ERC2: variants seen among roughly 807,000 people sequenced by gnomAD.
The protein encoded by ERC2 is ERC protein 2.
Under a neutral mutation model 114.8 loss-of-function variants are expected in ERC2, and 42 were observed. The observed-to-expected ratio is 0.37, with a 90% CI of 0.29 to 0.47. The LOEUF is 0.47. Among genes scored for constraint, ERC2 ranks in the 20% least tolerant of loss-of-function variants. The pLI is 0.99. For synonymous variants in ERC2, 454 were observed against 425.5 expected (o/e 1.07, Z -0.82); for missense variants, 939 against 1,150.7 (o/e 0.82, Z 2.66).
chr3:55,888,633 A>T, intron 13 of ERC2, 84 bp from the exon 14 acceptor site: 7 of 1,518,092 alleles, frequency 4.6e-6, no homozygotes, highest in Non-Finnish European at 6.3e-6. Flanking sequence ...TCCAACAACA[A>T]ACACAAAGGA....
intron 12 of ERC2, among the ~76,000 whole-genome samples, chr3:55,968,895 C>A (rs1278071325): frequency 6.6e-6 from 1 of 151,776 alleles, no homozygotes; most frequent in Non-Finnish European, 1.5e-5. Flanking sequence ...GGCTTTTTTT[C>A]TTTTTCTAAC....
intron 1 of ERC2, among the ~76,000 whole-genome samples, chr3:56,450,635 T>C (rs546598284): frequency 5.3e-5 from 8 of 152,218 alleles, no homozygotes; most frequent in Non-Finnish European, 1.2e-4. Context: ...GAGACCAGCC[T>C]GGGCAACATG....
chr3:55,885,576 A>C (rs1477346112), intron 14 of ERC2, among the ~76,000 whole-genome samples: 1 of 152,212 alleles, frequency 6.6e-6, no homozygotes, highest in Non-Finnish European at 1.5e-5. Context: ...TTCAGCAATA[A>C]TGTGGCAATT....
At chr3:56,162,566 C>T (rs1339654162) in intron 4 of ERC2, among the ~76,000 whole-genome samples, 3 of 152,140 alleles carry the variant, frequency 2.0e-5, no homozygotes, top group South Asian at 2.1e-4. Flanking sequence ...ACTCAATATT[C>T]GTCTTTTCCG....
At chr3:56,104,583 G>A (rs1247152778) in intron 6 of ERC2, among the ~76,000 whole-genome samples, 1 of 151,926 alleles carries the variant, frequency 6.6e-6, no homozygotes, top group African/African-American at 2.4e-5. Context: ...TCGGTTATTG[G>A]GCTATGTGTC....
intron 17 of ERC2, among the ~76,000 whole-genome samples, chr3:55,683,397 A>G (rs1191436245): frequency 6.6e-6 from 1 of 152,222 alleles, no homozygotes; most frequent in Non-Finnish European, 1.5e-5. Context: ...CGTGAGAGTC[A>G]CACCACACTG....
intron 4 of ERC2, among the ~76,000 whole-genome samples, chr3:56,168,578 T>C (rs946954974): frequency 1.3e-5 from 2 of 152,116 alleles, no homozygotes; most frequent in African/African-American, 4.8e-5. Context: ...TTGTGCTGAG[T>C]AGTCTAGGTT....
chr3:55,815,505 C>T (rs1007659143), intron 14 of ERC2, among the ~76,000 whole-genome samples: 2 of 152,138 alleles, frequency 1.3e-5, no homozygotes, highest in East Asian at 1.9e-4. Context: ...GTGGAAAACA[C>T]AAGAAGGCAA....
chr3:56,399,903 GACAA>G (rs929309484), intron 2 of ERC2, among the ~76,000 whole-genome samples: 2 of 151,978 alleles, frequency 1.3e-5, no homozygotes, highest in Non-Finnish European at 2.9e-5. Context: ...GAAACTATAG[GACAA>G]ACAATCTGGT....
chr3:56,030,598 G>A (rs2074320282), intron 7 of ERC2, among the ~76,000 whole-genome samples: 1 of 152,042 alleles, frequency 6.6e-6, no homozygotes, highest in Non-Finnish European at 1.5e-5. Context: ...TTTCTGCTCT[G>A]AAGTCTACTT....
chr3:55,727,491 T>C lies in ERC2; in HGVS notation c.2712+7280A>G, dbSNP rs375344931. On this transcript the variant is annotated intron_variant, in intron 15 of 17. Transcript: ENST00000288221. ...AATGCAACAAGTAGCAGAAAGTTAA[T>C]TTGTACTGCTCTTTTACCTTTATAC... 3.3e-5 allele frequency among the ~76,000 whole-genome samples: 5 copies of C among 152,210 alleles called. No individual in the cohort carries two copies. In the East Asian group the frequency reaches 9.6e-4, roughly 29 times the overall value.
At position 56,007,192 on chromosome 3, in the gene ERC2, G is replaced by T; in HGVS notation, c.2050C>A (p.Gln684Lys). 2 of 1,563,364 alleles carry T rather than the reference G, an allele frequency of 1.3e-6. No individual in the cohort carries two copies. Among genetic ancestry groups the T allele is most frequent in the African/African-American group, 2.7e-5 (2 of 73,784 alleles). Residue 684 changes from glutamine (Q) to lysine (K), a missense_variant, in exon 10 of 18, where the codon CAG becomes AAG. Gln to Lys is a moderately conservative substitution (Grantham distance 53). Transcript: ENST00000288221. ...KKEECSKLEA[Q>K]LKKAHNIEDD... ...TAGACTTCACTTACCTTTTTTAACT[G>T]TGCTTCCAATTTGCTACATTCCTCT...
At chr3:56,052,988 A>G (rs2075839581) in intron 7 of ERC2, among the ~76,000 whole-genome samples, 1 of 152,140 alleles carries the variant, frequency 6.6e-6, no homozygotes, top group South Asian at 2.1e-4. Context: ...TGGGCCAAGG[A>G]AAAAAGTAGG....
chr3:55,900,775 C>G (rs2064092646), intron 13 of ERC2, among the ~76,000 whole-genome samples: 1 of 152,084 alleles, frequency 6.6e-6, no homozygotes, highest in African/African-American at 2.4e-5. Context: ...AGATAGTCAA[C>G]AGATGTGGGA....
intron 17 of ERC2, among the ~76,000 whole-genome samples, chr3:55,541,626 G>A (rs1297415044): frequency 1.3e-5 from 2 of 152,188 alleles, no homozygotes; most frequent in Non-Finnish European, 1.5e-5. Flanking sequence ...TTCATCAAGA[G>A]CAGCTTTCAC....
At chr3:55,642,814 T>C (rs1008663371) in intron 17 of ERC2, among the ~76,000 whole-genome samples, 2 of 152,164 alleles carry the variant, frequency 1.3e-5, no homozygotes, top group African/African-American at 4.8e-5. Context: ...AGTGTTTTAC[T>C]CTCAAGACTA....
At chr3:55,599,587 G>A (rs1214595823) in intron 17 of ERC2, among the ~76,000 whole-genome samples, 1 of 152,158 alleles carries the variant, frequency 6.6e-6, no homozygotes, top group East Asian at 1.9e-4. Context: ...AAGGAGATAA[G>A]TCATGGAAAA....
intron 14 of ERC2, among the ~76,000 whole-genome samples, chr3:55,806,412 G>T (rs1575659380): frequency 6.6e-6 from 1 of 152,018 alleles, no homozygotes; most frequent in Non-Finnish European, 1.5e-5. Flanking sequence ...CTTGTGATCT[G>T]GGCTAGGAAG....
chr3:56,058,892 G>T (rs1246495947), intron 7 of ERC2, among the ~76,000 whole-genome samples: 1 of 151,822 alleles, frequency 6.6e-6, no homozygotes, highest in Non-Finnish European at 1.5e-5. Flanking sequence ...ACATCCTATT[G>T]GTTCTGTCTC....
Sources: gnomAD v4.1 joint callset for allele counts (sites outside exome capture counted in the v4.1 genomes callset) on GRCh38, gnomAD v4.1.1 for gene constraint, MANE v1.5 for transcripts, NCBI Gene and HGNC (gene_info 2026-07-23, HGNC 2026-07-21) for gene names.